GIT2: variants seen among roughly 807,000 people sequenced by gnomAD.
GIT2 encodes GIT ArfGAP 2, also known as ARF GTPase-activating protein GIT2.
In GIT2, 32 loss-of-function variants were observed where a neutral mutation model predicts 100.3. That is an observed-to-expected ratio of 0.32 (90% CI 0.24 to 0.43). The LOEUF (loss-of-function observed/expected upper bound fraction) is 0.43. Among genes scored for constraint, GIT2 ranks in the 20% least tolerant of loss-of-function variants. The pLI is 1.00. For synonymous variants in GIT2, 353 were observed against 364.1 expected (o/e 0.97, Z 0.35); for missense variants, 737 against 975.1 (o/e 0.76, Z 3.25).
At chr12:109,959,670 A>C (rs1880535111) in intron 12 of GIT2, among the ~76,000 whole-genome samples, 177 bp downstream of exon 12, 1 of 152,188 alleles carries the variant, frequency 6.6e-6, no homozygotes, top group South Asian at 2.1e-4. Context: ...ATACCTACGT[A>C]ACAAGCCTGC....
chr12:109,937,438 T>C (rs1466757660), intron 18 of GIT2, among the ~76,000 whole-genome samples: 2 of 152,174 alleles, frequency 1.3e-5, no homozygotes, highest in Non-Finnish European at 2.9e-5. Flanking sequence ...GAATGAGATT[T>C]TTCTTGGGTT....
intron 7 of GIT2, among the ~76,000 whole-genome samples, chr12:109,980,588 C>T (rs1377731423): frequency 6.6e-6 from 1 of 152,062 alleles, no homozygotes; most frequent in Non-Finnish European, 1.5e-5. Flanking sequence ...ACTTTTTTTC[C>T]ATTCCTTAAG....
intron 8 of GIT2, 101 bp from the exon 9 acceptor site, chr12:109,965,678 C>T: frequency 1.2e-6 from 1 of 848,312 alleles, no homozygotes; most frequent in Non-Finnish European, 2.0e-6. Flanking sequence ...AATTACAGTT[C>T]ATGGACCATG....
intron 11 of GIT2, among the ~76,000 whole-genome samples, chr12:109,960,359 C>T (rs1593034867): frequency 1.3e-5 from 2 of 152,302 alleles, no homozygotes; most frequent in East Asian, 3.9e-4. Flanking sequence ...TGCAGTGGCT[C>T]ACGCCTGTAA....
chr12:109,967,194 A>G, intron 8 of GIT2: 2 of 681,380 alleles, frequency 2.9e-6, no homozygotes, highest in Non-Finnish European at 5.0e-6. Context: ...AAATAAATAA[A>G]TACAAAATAC....
At chr12:109,972,548 A>C (rs1400670391) in intron 7 of GIT2, among the ~76,000 whole-genome samples, 1 of 151,438 alleles carries the variant, frequency 6.6e-6, no homozygotes, top group Non-Finnish European at 1.5e-5. Context: ...AGCTCACTGC[A>C]ACCTCTGCTT....
chr12:109,966,895 C>T (rs114750446), intron 8 of GIT2, among the ~76,000 whole-genome samples: 176 of 152,190 alleles, frequency 1.2e-3, no homozygotes, highest in African/African-American at 4.1e-3. Context: ...ATGGTTTTTA[C>T]GTTTTAAAAT....
chr12:109,999,803 G>T, upstream of GIT2: 1 of 1,524,640 alleles, frequency 6.6e-7, no homozygotes, highest in South Asian at 1.2e-5. The surrounding 1 kb of genome is among the most constrained non-coding windows in gnomAD (Gnocchi z 4.3). Flanking sequence ...CGGGGCGGGG[G>T]TCCGTCTCCC....
chr12:109,934,132 G>A lies in GIT2; in HGVS notation c.2004-47C>T, dbSNP rs7954192. 1.1e-5 allele frequency: 12 copies of A among 1,051,306 alleles called. No homozygotes were observed. Among genetic ancestry groups the A allele is most frequent in the East Asian group, 4.7e-5 (2 of 42,348 alleles). The allele number at this position is 1,051,306 out of a possible 1,614,324, so 65.1% of individuals were successfully genotyped here. A position where few individuals can be genotyped will look rare whatever the true frequency, so the allele number is the denominator to read the frequency against. On this transcript the variant is annotated intron_variant, in intron 18 of 19. Coordinates refer to ENST00000355312, the MANE Select transcript of GIT2 (RefSeq NM_057169.5). The surrounding 1 kb of genome is among the most constrained non-coding windows in gnomAD (Gnocchi z 4.5). Reference sequence around the variant, plus strand: ...TATTCAATGACAGTAAAAATGATTCGGAGGCAAAGAGGACTCAAGTGCTAG... The same window carrying A: ...TATTCAATGACAGTAAAAATGATTCAGAGGCAAAGAGGACTCAAGTGCTAG...
rs147414990 is a variant in GIT2, at chr12:109,961,311, C to G, written c.954G>C (p.Pro318=). The G allele has an allele frequency of 3.7e-5, 59 of 1,612,790 alleles. No homozygotes were observed. In the African/African-American group the frequency reaches 6.5e-4, roughly 18 times the overall value. ...GTGTTGATGAGTACTCAGGATTGAC[C>G]GGAAGAAAGGGGACGACCGTTGTCT... ...VTETTVVPFL[P]VNPEYSSTRN... is the part of the protein sequence containing the mutation. Residue 318 remains proline, a synonymous_variant, in exon 11 of 20, where the codon CCG becomes CCC. Transcript: ENST00000355312.
chr12:109,959,677 C>T (rs893844430), intron 12 of GIT2, among the ~76,000 whole-genome samples, 170 bp downstream of exon 12: 2 of 152,018 alleles, frequency 1.3e-5, no homozygotes, highest in Admixed American at 6.5e-5. Context: ...CGTAACAAGC[C>T]TGCACATTCT....
At chr12:109,992,123 T>C (rs1593167400) in intron 1 of GIT2, 1 of 152,708 alleles carries the variant, frequency 6.5e-6, no homozygotes, top group Non-Finnish European at 1.4e-5. Context: ...TCCATCTCCA[T>C]AAAAATCAAG....
chr12:109,956,534 T>C (rs952306434), intron 12 of GIT2, among the ~76,000 whole-genome samples: 4 of 152,222 alleles, frequency 2.6e-5, no homozygotes, highest in Non-Finnish European at 5.9e-5. Flanking sequence ...TTTCTTACAA[T>C]GACCTTGAAA....
chr12:109,996,328 A>C lies in GIT2; in HGVS notation c.-104T>G, dbSNP rs1192173005. 3.9e-6 allele frequency: 3 copies of C among 773,410 alleles called. No individual in the cohort carries two copies. The highest frequency in any genetic ancestry group is 6.1e-5 in the Admixed American group (2 of 32,530). 47.9% of individuals were successfully genotyped at this position (773,410 alleles called of 1,614,324 possible). On this transcript the variant is annotated 5_prime_UTR_variant, in exon 1 of 20. Transcript: ENST00000355312. ...ACGGGTCCCAGCTGCGGCGGCGCTG[A>C]CGGCGGCGCCTCTCCCCTCAGCGCC...
chr12:109,999,922 C>T, upstream of GIT2: 1 of 658,562 alleles, frequency 1.5e-6, no homozygotes, highest in Non-Finnish European at 2.4e-6. The surrounding 1 kb of genome is among the most constrained non-coding windows in gnomAD (Gnocchi z 4.3). Flanking sequence ...TGGGACAGTC[C>T]TAATAATAGG....
rs759559369 is a variant in GIT2, at chr12:109,933,032, G to A, written c.2226C>T (p.Ile742=). ...TAACCAGCTGCTTGGCAGCCTTGGC[G>A]ATGTCGTACGCACACTGGATGACCT... The part of the protein sequence containing the change: ...TQQVIQCAYD[I]AKAAKQLVTI... The change falls in exon 20 of 20, where the codon ATC becomes ATT. Residue 742 remains isoleucine (I), a synonymous_variant. Coordinates refer to ENST00000355312, the MANE Select transcript of GIT2 (RefSeq NM_057169.5). The surrounding 1 kb of genome is among the most constrained non-coding windows in gnomAD (Gnocchi z 4.5). 13 of 1,613,690 alleles carry A rather than the reference G, an allele frequency of 8.1e-6. No individual in the cohort carries two copies. Among genetic ancestry groups the A allele is most frequent in the Admixed American group, 3.3e-5 (2 of 59,996 alleles).
At chr12:109,999,833 C>CG, upstream of GIT2, 1 of 1,464,988 alleles carries the variant, frequency 6.8e-7, no homozygotes, top group Non-Finnish European at 9.1e-7. The surrounding 1 kb of genome is among the most constrained non-coding windows in gnomAD (Gnocchi z 4.3). Context: ...TTCGGGGAAT[C>CG]GGGGGTCGTT....
chr12:109,980,976 A>C lies in GIT2; in HGVS notation c.694T>G (p.Phe232Val). 6.2e-7 allele frequency: 1 copy of C among 1,609,980 alleles called. No homozygotes were observed. Among genetic ancestry groups the C allele is most frequent in the Non-Finnish European group, 8.5e-7 (1 of 1,176,156 alleles). Residue 232 changes from phenylalanine (F) to valine (V), a missense_variant, in exon 7 of 20, where the codon TTC (phenylalanine) becomes GTC (valine). This residue lies in a region of GIT2 where 266 missense variants were observed against 376.2 expected (regional missense o/e 0.71). Transcript: ENST00000355312. Reference sequence around the variant, plus strand: ...CCTGGTTTCCTGCCACAGAGATAGAAGGCTAGTCTGTCCGTTAGCTCATAC... The same window carrying C: ...CCTGGTTTCCTGCCACAGAGATAGACGGCTAGTCTGTCCGTTAGCTCATAC... Reference protein sequence around the residue: ...IQYELTDRLAFYLCGRKPDHK... With the variant: ...IQYELTDRLAVYLCGRKPDHK...
intron 16 of GIT2, among the ~76,000 whole-genome samples, chr12:109,942,230 C>T (rs1003827881): frequency 5.3e-5 from 8 of 152,056 alleles, no homozygotes; most frequent in Admixed American, 2.6e-4. Flanking sequence ...CTTGCATTTA[C>T]GTAATTATAC....
Sources: gnomAD v4.1 joint callset for allele counts (sites outside exome capture counted in the v4.1 genomes callset) on GRCh38, gnomAD v4.1.1 for gene constraint, gnomAD v4.1.1 regional missense constraint, Gnocchi (gnomAD v3.1) non-coding constraint, MANE v1.5 for transcripts, NCBI Gene and HGNC (gene_info 2026-07-23, HGNC 2026-07-21) for gene names.